Variants in OSBPL6 observed in about 807,000 individuals in gnomAD.
OSBPL6 encodes oxysterol-binding protein-related protein 6.
Under a neutral mutation model 125.8 loss-of-function variants are expected in OSBPL6, and 49 were observed. The observed-to-expected ratio is 0.39, with a 90% CI of 0.31 to 0.49. The LOEUF is 0.49. Among genes scored for constraint, OSBPL6 ranks in the 20% least tolerant of loss-of-function variants. OSBPL6 has a pLI of 0.88. For missense variants in OSBPL6, 986 were observed against 1,135.4 expected (o/e 0.87, Z 1.89); for synonymous variants, 394 against 391.8 (o/e 1.01, Z -0.07).
In OSBPL6 at chr2:178,338,424, G is replaced by A. The variant is rs543310530; in HGVS notation, c.791-567G>A. On this transcript the variant is annotated intron_variant, in intron 9 of 24. Coordinates refer to ENST00000190611, the MANE Select transcript of OSBPL6 (RefSeq NM_032523.4). ...AATGAGTTGATGTCCAGGTGATGATGATATTGCTGGACCAGCGAATGCACT... is the reference window on the plus strand; with the variant it reads ...AATGAGTTGATGTCCAGGTGATGATAATATTGCTGGACCAGCGAATGCACT... Among the ~76,000 whole-genome samples, 5 of 152,286 alleles carry A rather than the reference G, an allele frequency of 3.3e-5. No homozygotes were observed. In the East Asian group the frequency reaches 9.6e-4, roughly 29 times the overall value.
At chr2:178,202,862 C>T (rs1244850155) in intron 1 of OSBPL6, among the ~76,000 whole-genome samples, 2 of 149,612 alleles carry the variant, frequency 1.3e-5, no homozygotes, top group Non-Finnish European at 3.0e-5. Flanking sequence ...TTCTTTTTAT[C>T]ATTGGTGTTG....
At chr2:178,228,009 C>A (rs1314903366) in intron 1 of OSBPL6, among the ~76,000 whole-genome samples, 1 of 151,138 alleles carries the variant, frequency 6.6e-6, no homozygotes, top group African/African-American at 2.4e-5. Context: ...TAATTATGTG[C>A]AATTGAGGTA....
Position 178,397,977 on chromosome 2 carries a change from T to C in OSBPL6, c.*2418T>C, listed in dbSNP as rs1027395379. ...AGAATCTCTTTTGGGATTCAGATAG[T>C]CTGATTATTCCAATTCAAGTGTTCA... On this transcript the variant is annotated 3_prime_UTR_variant, in exon 25 of 25. Transcript: ENST00000190611. 6.6e-6 allele frequency: 1 copy of C among 152,248 alleles called. No individual in the cohort carries two copies. The highest frequency in any genetic ancestry group is 2.4e-5 in the African/African-American group (1 of 41,466). The allele number at this position is 152,248 out of a possible 1,614,324, so 9.4% of individuals were successfully genotyped here. A position where few individuals can be genotyped will look rare whatever the true frequency, so the allele number is the denominator to read the frequency against.
At chr2:178,349,522 T>C in intron 12 of OSBPL6, 133 bp downstream of exon 12, 1 of 1,057,434 alleles carries the variant, frequency 9.5e-7, no homozygotes, top group Non-Finnish European at 1.3e-6. Context: ...TGAAGTTCTA[T>C]ATACAAAAAT....
chr2:178,379,353 A>AG (rs1340026013), intron 15 of OSBPL6, among the ~76,000 whole-genome samples: 3 of 90,028 alleles, frequency 3.3e-5, no homozygotes, highest in Non-Finnish European at 2.1e-5. Flanking sequence ...GGAGGGAGGG[A>AG]GGGGAAGGAA....
intron 12 of OSBPL6, among the ~76,000 whole-genome samples, chr2:178,354,151 A>G (rs1306462715): frequency 6.6e-6 from 1 of 152,262 alleles, no homozygotes; most frequent in Admixed American, 6.5e-5. Flanking sequence ...TGTAAAGACC[A>G]TTGATGCTAT....
At chr2:178,373,421 G>A (rs1375359517) in intron 14 of OSBPL6, among the ~76,000 whole-genome samples, 2 of 152,118 alleles carry the variant, frequency 1.3e-5, no homozygotes, top group Non-Finnish European at 2.9e-5. Flanking sequence ...CAATATTCCA[G>A]TCATGTGTTT....
At chr2:178,313,396 A>G (rs182693789) in intron 3 of OSBPL6, among the ~76,000 whole-genome samples, 2 of 152,316 alleles carry the variant, frequency 1.3e-5, no homozygotes, top group South Asian at 4.1e-4. Context: ...TTTGGAATGC[A>G]TAATTTTCAG....
At chr2:178,339,225 G>A (rs1559264910) in intron 10 of OSBPL6, 131 bp downstream of exon 10, 1 of 512,326 alleles carries the variant, frequency 2.0e-6, no homozygotes, top group South Asian at 4.3e-5. Context: ...TTTATATTCT[G>A]GAGTTATTTT....
chr2:178,260,636 T>C (rs1245486890), intron 1 of OSBPL6, among the ~76,000 whole-genome samples: 1 of 152,188 alleles, frequency 6.6e-6, no homozygotes, highest in Non-Finnish European at 1.5e-5. Context: ...TTTCAGAGGA[T>C]AAAGTTAGGA....
chr2:178,211,482 C>T (rs2089858274), intron 1 of OSBPL6, among the ~76,000 whole-genome samples: 1 of 152,160 alleles, frequency 6.6e-6, no homozygotes, highest in South Asian at 2.1e-4. Context: ...CAGTTTGTCC[C>T]AGCCCCAGGA....
chr2:178,218,332 C>T (rs1393383752), intron 1 of OSBPL6, among the ~76,000 whole-genome samples: 2 of 151,514 alleles, frequency 1.3e-5, no homozygotes, highest in East Asian at 1.9e-4. Context: ...ACAGTTTCTG[C>T]CTGGCCTCTC....
intron 23 of OSBPL6, among the ~76,000 whole-genome samples, 188 bp downstream of exon 23, chr2:178,392,726 TG>T: frequency 6.6e-6 from 1 of 151,914 alleles, no homozygotes; most frequent in African/African-American, 2.4e-5. Context: ...CTGGGTGTGG[TG>T]GGGCATGCCT....
intron 15 of OSBPL6, among the ~76,000 whole-genome samples, chr2:178,380,700 A>G (rs1694392903): frequency 6.6e-6 from 1 of 152,182 alleles, no homozygotes; most frequent in African/African-American, 2.4e-5. Flanking sequence ...AGGCAGATTT[A>G]TGAAAATATA....
chr2:178,228,340 C>T (rs1348284714), intron 1 of OSBPL6, among the ~76,000 whole-genome samples: 1 of 152,156 alleles, frequency 6.6e-6, no homozygotes, highest in African/African-American at 2.4e-5. Context: ...TCGAGACCAT[C>T]CTGGCTAACA....
intron 1 of OSBPL6, among the ~76,000 whole-genome samples, chr2:178,194,964 C>T (rs916239535): frequency 6.6e-6 from 1 of 152,262 alleles, no homozygotes; most frequent in Non-Finnish European, 1.5e-5. Context: ...CCCTCGTTGC[C>T]AGGGAATTCC....
chr2:178,392,933 A>G (rs746213118), intron 23 of OSBPL6, among the ~76,000 whole-genome samples: 1 of 151,196 alleles, frequency 6.6e-6, no homozygotes, highest in East Asian at 1.9e-4. Context: ...TACTACCATC[A>G]TGTATTTTTA....
chr2:178,203,651 C>G (rs1273862225), intron 1 of OSBPL6, among the ~76,000 whole-genome samples: 1 of 152,050 alleles, frequency 6.6e-6, no homozygotes, highest in South Asian at 2.1e-4. Flanking sequence ...GGAATTTTAC[C>G]TTGTTGGGTG....
chr2:178,263,082 A>C (rs192944846), intron 1 of OSBPL6, among the ~76,000 whole-genome samples: 62 of 152,326 alleles, frequency 4.1e-4, no homozygotes, highest in Admixed American at 5.2e-4. Flanking sequence ...TTAAAAAAAA[A>C]ACTTTTGCTG....
Sources: gnomAD v4.1 joint callset for allele counts (sites outside exome capture counted in the v4.1 genomes callset) on GRCh38, gnomAD v4.1.1 for gene constraint, MANE v1.5 for transcripts, NCBI Gene and HGNC (gene_info 2026-07-23, HGNC 2026-07-21) for gene names.